The following M1AP variants were observed in gnomAD, a reference collection of about 807,000 sequenced individuals.
The protein encoded by M1AP is meiosis 1 arrest protein.
A neutral mutation model predicts 51.2 loss-of-function variants in M1AP; 39 were observed. The ratio of observed to expected loss-of-function variants is 0.76; its 90% confidence interval spans 0.59 to 1.00. The LOEUF is 1.00. M1AP is among the 50% of genes least tolerant of loss of function. M1AP has a pLI of 0.00. For missense variants in M1AP, 545 were observed against 641.2 expected, an observed-to-expected ratio of 0.85 and a Z score of 1.62; for synonymous variants, 251 against 249.2, an observed-to-expected ratio of 1.01 and a Z score of -0.07.
intron 4 of M1AP, among the ~76,000 whole-genome samples, chr2:74,588,267 G>A (rs951227897): frequency 2.6e-5 from 4 of 152,176 alleles, no homozygotes; most frequent in Admixed American, 2.6e-4. Flanking sequence ...TTGGTGGGGT[G>A]GGGGAAGGGG....
intron 2 of M1AP, among the ~76,000 whole-genome samples, chr2:74,622,382 G>C (rs953100647): frequency 2.0e-5 from 3 of 151,952 alleles, no homozygotes; most frequent in African/African-American, 7.2e-5. Context: ...GGGATTATAG[G>C]TGGCTGCCAC....
In M1AP at chr2:74,562,339, T is replaced by C; in HGVS notation, c.1159A>G (p.Ile387Val). The change falls in exon 8 of 11, where the codon ATC becomes GTC. Residue 387 changes from isoleucine (I) to valine (V), a missense_variant. Physicochemically the swap from Ile to Val is conservative, Grantham distance 29. Coordinates refer to ENST00000421985, the MANE Select transcript of M1AP (RefSeq NM_001321739.2). ...AGTGTGAGGGAGTGTGACGGCATGA[T>C]CACATAGAAGGTGCTGGCAGGAATT... is the stretch of plus-strand genomic sequence containing the variant. ...QRIPASTFYV[I>V]MPSHSLTLLV... 1.2e-6 allele frequency: 2 copies of C among 1,614,212 alleles called. No homozygotes were observed. The highest frequency in any genetic ancestry group is 1.7e-6 in the Non-Finnish European group (2 of 1,180,032).
At chr2:74,572,551 G>C (rs980662758) in intron 7 of M1AP, among the ~76,000 whole-genome samples, 4 of 152,114 alleles carry the variant, frequency 2.6e-5, no homozygotes, top group Non-Finnish European at 2.9e-5. Context: ...GAATTCCTGG[G>C]CACAAGTGAT....
At chr2:74,561,804 C>A in intron 8 of M1AP, 1 of 808,136 alleles carries the variant, frequency 1.2e-6, no homozygotes, top group Non-Finnish European at 1.5e-6. Flanking sequence ...GTGGCTTCCT[C>A]CCCTGCCTCC....
At chr2:74,632,194 A>T (rs1241289516) in intron 2 of M1AP, among the ~76,000 whole-genome samples, 3 of 152,166 alleles carry the variant, frequency 2.0e-5, no homozygotes, top group Non-Finnish European at 4.4e-5. Flanking sequence ...GACCATAGGC[A>T]ATTACAAATA....
intron 7 of M1AP, among the ~76,000 whole-genome samples, chr2:74,573,207 C>G (rs570704888): frequency 2.4e-4 from 37 of 151,874 alleles, no homozygotes; most frequent in South Asian, 1.7e-3. Flanking sequence ...CCACCACGCC[C>G]AGCTAATTTT....
chr2:74,561,881 T>C (rs1022492288), intron 8 of M1AP: 137 of 985,140 alleles, frequency 1.4e-4, no homozygotes, highest in Non-Finnish European at 1.6e-4. Context: ...CAGCCACCCA[T>C]TCCTCAGATT....
chr2:74,604,380 AT>A (rs2104691545), intron 4 of M1AP, among the ~76,000 whole-genome samples: 1 of 152,072 alleles, frequency 6.6e-6, no homozygotes, highest in Admixed American at 6.5e-5. Flanking sequence ...ATGGAAGACA[AT>A]TTTTCCACAG....
At chr2:74,591,694 G>A (rs1439471590) in intron 4 of M1AP, among the ~76,000 whole-genome samples, 2 of 152,218 alleles carry the variant, frequency 1.3e-5, no homozygotes, top group Non-Finnish European at 2.9e-5. Flanking sequence ...ATAAATGTAA[G>A]TGGAGCCATG....
chr2:74,598,117 C>T (rs1170788192), intron 4 of M1AP, among the ~76,000 whole-genome samples: 1 of 152,156 alleles, frequency 6.6e-6, no homozygotes, highest in Non-Finnish European at 1.5e-5. Flanking sequence ...TGCGCTGGCT[C>T]ACACCTGTAA....
intron 2 of M1AP, among the ~76,000 whole-genome samples, chr2:74,622,543 C>CTTTT (rs534273779): frequency 0.039 from 4,560 of 117,150 alleles, 288 homozygotes; most frequent in African/African-American, 0.12. Flanking sequence ...CCATTGCCTG[C>CTTTT]TTTTTTTTTT....
In M1AP at chr2:74,560,333, T is replaced by A. The variant is rs532951992; in HGVS notation, c.1282-42A>T. The stretch of plus-strand genomic sequence containing the variant: ...AGGGGCCTCACTAGGGAACTTAAGA[T>A]CACAGAACACAAGATGTCAGGTAGC... On this transcript the variant is annotated intron_variant, in intron 8 of 10. Transcript: ENST00000421985. 3 of 1,538,556 alleles carry A rather than the reference T, an allele frequency of 1.9e-6. No homozygotes were observed. The African/African-American group carries it at 4.1e-5, about 21-fold the overall frequency.
chr2:74,607,820 G>T (rs1484760374), intron 3 of M1AP, among the ~76,000 whole-genome samples: 1 of 152,112 alleles, frequency 6.6e-6, no homozygotes, highest in Admixed American at 6.6e-5. Context: ...TTAAAGACTG[G>T]ACGGTAATCA....
chr2:74,608,609 G>A (rs1478368701), intron 3 of M1AP, among the ~76,000 whole-genome samples: 2 of 152,232 alleles, frequency 1.3e-5, no homozygotes, highest in Non-Finnish European at 2.9e-5. Context: ...CAAGAAGCAT[G>A]ATTTCTGGAT....
chr2:74,598,084 T>A (rs182880886), intron 4 of M1AP, among the ~76,000 whole-genome samples: 7 of 152,218 alleles, frequency 4.6e-5, no homozygotes, highest in Non-Finnish European at 2.9e-5. Context: ...TTCTTTCTTT[T>A]TAAAAGTAGT....
intron 2 of M1AP, among the ~76,000 whole-genome samples, chr2:74,626,137 TC>T (rs1214765122): frequency 6.6e-6 from 1 of 151,596 alleles, no homozygotes; most frequent in Non-Finnish European, 1.5e-5. Flanking sequence ...GGGAAGGGAG[TC>T]CCCCTTTCAA....
intron 5 of M1AP, chr2:74,576,826 T>C: frequency 1.5e-6 from 2 of 1,307,194 alleles, no homozygotes; most frequent in Non-Finnish European, 2.0e-6. Context: ...GAAGCTATAG[T>C]ATCTCTATCG....
intron 7 of M1AP, among the ~76,000 whole-genome samples, chr2:74,568,029 C>T (rs1451366260): frequency 6.6e-6 from 1 of 152,202 alleles, no homozygotes; most frequent in African/African-American, 2.4e-5. Context: ...TGAAAAGTTA[C>T]ACAACATTTA....
intron 7 of M1AP, among the ~76,000 whole-genome samples, chr2:74,571,724 C>T (rs532249234): frequency 6.6e-6 from 1 of 152,170 alleles, no homozygotes; most frequent in African/African-American, 2.4e-5. Context: ...CGGCCAGGCA[C>T]GGTGGCTCAC....
Sources: allele counts gnomAD v4.1 joint callset (sites outside exome capture counted in the v4.1 genomes callset), GRCh38; gene constraint gnomAD v4.1.1; transcripts MANE v1.5; gene names NCBI Gene and HGNC (gene_info 2026-07-23, HGNC 2026-07-21).